GIT2: variants seen among roughly 807,000 people sequenced by gnomAD.
The protein encoded by GIT2 is ARF GTPase-activating protein GIT2.
GIT2 carries 32 observed loss-of-function variants against 100.3 expected under a neutral mutation model. That is an observed-to-expected ratio of 0.32 (90% CI 0.24 to 0.43). The LOEUF (loss-of-function observed/expected upper bound fraction) is 0.43. Ranked by LOEUF, GIT2 falls within the 20% of genes least tolerant of loss-of-function variation. The probability of loss-of-function intolerance (pLI) is 1.00; values close to 1 mark genes in which losing one functional copy is unlikely to be tolerated. For synonymous variants in GIT2, 353 were observed against 364.1 expected (o/e 0.97, Z 0.35); for missense variants, 737 against 975.1 (o/e 0.76, Z 3.25).
Position 109,995,718 on chromosome 12 carries a change from G to C in GIT2, c.52+455C>G, listed in dbSNP as rs76968475. Among the ~76,000 whole-genome samples the C allele has an allele frequency of 4.7e-4, 72 of 152,300 alleles. 1 individual carries two copies. The East Asian group carries it at 8.7e-3, about 18-fold the overall frequency. ...TGTCAGCAGCGGGGAAGTCATCTACGGGGACCCTCTGGCGAGTCTCAGGGA... is the reference window on the plus strand; with the variant it reads ...TGTCAGCAGCGGGGAAGTCATCTACCGGGACCCTCTGGCGAGTCTCAGGGA... On this transcript the variant is annotated intron_variant, in intron 1 of 19. Transcript: ENST00000355312.
upstream of GIT2, chr12:109,999,859 C>G: frequency 7.5e-7 from 1 of 1,332,076 alleles, no homozygotes; most frequent in Non-Finnish European, 1.0e-6. This position sits in a 1 kb window ranked among gnomAD's most constrained non-coding sequence, Gnocchi z 4.3. Context: ...TCCCTGAGCC[C>G]ATTTCCAGCC....
At chr12:109,967,628 T>C in intron 7 of GIT2, 125 bp from the exon 8 acceptor site, 1 of 701,980 alleles carries the variant, frequency 1.4e-6, no homozygotes, top group Non-Finnish European at 2.5e-6. Flanking sequence ...ACGAGTCATG[T>C]TGCTAGACTA....
intron 7 of GIT2, among the ~76,000 whole-genome samples, chr12:109,972,288 G>C (rs1884077583): frequency 6.6e-6 from 1 of 152,110 alleles, no homozygotes; most frequent in African/African-American, 2.4e-5. Flanking sequence ...AGCAAACACA[G>C]TCTTTCATCA....
intron 9 of GIT2, among the ~76,000 whole-genome samples, chr12:109,964,992 C>T (rs955349591): frequency 2.0e-5 from 3 of 152,042 alleles, no homozygotes; most frequent in Admixed American, 1.3e-4. Context: ...GGCACAGAGC[C>T]GGCAAACTCT....
chr12:109,939,253 A>G lies in GIT2; in HGVS notation c.1732-6T>C, dbSNP rs997138101. Reference sequence around the variant, plus strand: ...TGCTTCTCCAGCCTGGATGCCTACAAGAAAGAAGAGGGACCCTCATGAGTT... The same window carrying G: ...TGCTTCTCCAGCCTGGATGCCTACAGGAAAGAAGAGGGACCCTCATGAGTT... On this transcript the variant is annotated splice_region_variant and splice_polypyrimidine_tract_variant and intron_variant, in intron 16 of 19. Transcript: ENST00000355312. 1.3e-6 allele frequency: 2 copies of G among 1,539,092 alleles called. No homozygotes were observed. The highest frequency in any genetic ancestry group is 1.7e-5 in the Admixed American group (1 of 59,892).
chr12:109,953,171 T>A lies in GIT2; in HGVS notation c.1163A>T (p.Asp388Val). 6.2e-7 allele frequency: 1 copy of A among 1,613,970 alleles called. No individual in the cohort carries two copies. The highest frequency in any genetic ancestry group is 1.3e-5 in the African/African-American group (1 of 75,058). ...TGCCACGCTGTCATAGTCGGGCTGA[T>A]CGTTGTCTTGACTCTCAACGCTGTG... ...NQHSVESQDNDQPDYDSVASD... is the reference protein window; with the variant it reads ...NQHSVESQDNVQPDYDSVASD... Residue 388 changes from aspartate (D) to valine (V), a missense_variant, in exon 13 of 20, where the codon GAT becomes GTT. Coordinates refer to ENST00000355312, the MANE Select transcript of GIT2 (RefSeq NM_057169.5).
In GIT2 at chr12:109,948,016, G is replaced by GA; in HGVS notation, c.1393-513dup. ...CAAGAAAGACAGAAGTTCAGCTTGT[G>GA]AAAAATCAGATCGCCTATTGCTTTC... On this transcript the variant is annotated intron_variant, in intron 14 of 19. Transcript: ENST00000355312. The surrounding 1 kb of genome is among the most constrained non-coding windows in gnomAD (Gnocchi z 4.3). The GA allele has an allele frequency of 8.1e-6, 4 of 495,294 alleles. No individual in the cohort carries two copies. The highest frequency in any genetic ancestry group is 1.0e-5 in the Non-Finnish European group (4 of 382,332). The allele number at this position is 495,294 out of a possible 1,614,324, so 30.7% of individuals were successfully genotyped here.
chr12:109,984,007 C>A (rs972950937), intron 4 of GIT2, among the ~76,000 whole-genome samples: 8 of 152,102 alleles, frequency 5.3e-5, no homozygotes, highest in African/African-American at 1.9e-4. Context: ...GGTGACTATG[C>A]GTGGCTCTGA....
intron 7 of GIT2, among the ~76,000 whole-genome samples, chr12:109,975,590 A>G (rs1884842159): frequency 6.6e-6 from 1 of 151,952 alleles, no homozygotes; most frequent in South Asian, 2.1e-4. Flanking sequence ...TAATGTAACT[A>G]TTGATATGTA....
chr12:109,945,190 A>G (rs2136220133), intron 16 of GIT2, 70 bp downstream of exon 16: 1 of 761,618 alleles, frequency 1.3e-6, no homozygotes, highest in Non-Finnish European at 2.4e-6. Flanking sequence ...GGAGGGCCAG[A>G]GCCCAAGCAC....
At chr12:109,975,392 A>G (rs1171637369) in intron 7 of GIT2, among the ~76,000 whole-genome samples, 1 of 151,960 alleles carries the variant, frequency 6.6e-6, no homozygotes, top group Non-Finnish European at 1.5e-5. Flanking sequence ...AATTTTTTGT[A>G]GTGAAAGGAT....
At chr12:109,986,205 C>A (rs1887352242) in intron 4 of GIT2, among the ~76,000 whole-genome samples, 1 of 152,134 alleles carries the variant, frequency 6.6e-6, no homozygotes, top group African/African-American at 2.4e-5. Context: ...AAGCCAACAT[C>A]AGCCTGATAC....
At chr12:109,974,962 T>C (rs1804843987) in intron 7 of GIT2, among the ~76,000 whole-genome samples, 1 of 152,186 alleles carries the variant, frequency 6.6e-6, no homozygotes, top group Non-Finnish European at 1.5e-5. Flanking sequence ...TGTGTACACA[T>C]TTAGAACTAT....
intron 4 of GIT2, among the ~76,000 whole-genome samples, chr12:109,987,636 T>C (rs542275814): frequency 6.6e-6 from 1 of 151,860 alleles, no homozygotes; most frequent in African/African-American, 2.4e-5. Context: ...CGGCTAAAAT[T>C]GTTATATTCT....
At chr12:109,991,511 C>CA in intron 2 of GIT2, 116 bp downstream of exon 2, 1 of 761,848 alleles carries the variant, frequency 1.3e-6, no homozygotes, top group South Asian at 1.7e-5. Context: ...CATCTCTATT[C>CA]AATTATGAAA....
chr12:109,945,356 T>TG lies in GIT2; in HGVS notation c.1642-8dup. 1.4e-6 allele frequency: 2 copies of TG among 1,393,942 alleles called. No individual in the cohort carries two copies. Among genetic ancestry groups the TG allele is most frequent in the Non-Finnish European group, 2.0e-6 (2 of 981,388 alleles). 86.3% of individuals were successfully genotyped at this position (1,393,942 alleles called of 1,614,324 possible). On this transcript the variant is annotated splice_polypyrimidine_tract_variant and splice_region_variant and intron_variant, in intron 15 of 19. Coordinates refer to ENST00000355312, the MANE Select transcript of GIT2 (RefSeq NM_057169.5). ...CAAGTGCACTCCTCCCGATCTGGAA[T>TG]GGGAAAGAGAAACACACTCGGGAAA...
At chr12:109,960,824 A>T (rs1250479097) in intron 11 of GIT2, among the ~76,000 whole-genome samples, 1 of 152,190 alleles carries the variant, frequency 6.6e-6, no homozygotes, top group Admixed American at 6.5e-5. Flanking sequence ...CCCATGTAAA[A>T]GGATGTACTT....
chr12:109,999,522 C>A (rs1481543956), upstream of GIT2: 1 of 375,376 alleles, frequency 2.7e-6, no homozygotes, highest in Non-Finnish European at 4.5e-6. The surrounding 1 kb of genome is among the most constrained non-coding windows in gnomAD (Gnocchi z 4.3). Flanking sequence ...GCCGGCGACC[C>A]CGGACCTCCC....
At chr12:109,935,486 C>T (rs533558280) in intron 18 of GIT2, among the ~76,000 whole-genome samples, 1 of 152,278 alleles carries the variant, frequency 6.6e-6, no homozygotes, top group South Asian at 2.1e-4. Context: ...CCTGGCTTCT[C>T]CGCCTCCCGG....
Sources: gnomAD v4.1 joint callset for allele counts (sites outside exome capture counted in the v4.1 genomes callset) on GRCh38, gnomAD v4.1.1 for gene constraint, Gnocchi (gnomAD v3.1) non-coding constraint, MANE v1.5 for transcripts, NCBI Gene and HGNC (gene_info 2026-07-23, HGNC 2026-07-21) for gene names.